SPAG16: variants seen among roughly 807,000 people sequenced by gnomAD.
The protein encoded by SPAG16 is sperm associated antigen 16, also known as sperm-associated antigen 16 protein.
Under a neutral mutation model 80.4 loss-of-function variants are expected in SPAG16, and 86 were observed. The ratio of observed to expected loss-of-function variants is 1.07; its 90% CI spans 0.90 to 1.28. SPAG16 has a LOEUF of 1.28. Ranked by LOEUF, SPAG16 falls within the 50% of genes most tolerant of loss-of-function variation. The pLI, the probability that SPAG16 is intolerant of heterozygous loss-of-function variation, is 0.00. For synonymous variants in SPAG16, 294 were observed against 265.9 expected, an observed-to-expected ratio of 1.11 and a Z score of -1.03; for missense variants, 870 against 765.3, an observed-to-expected ratio of 1.14 and a Z score of -1.61.
intron 15 of SPAG16, among the ~76,000 whole-genome samples, chr2:214,193,996 T>C (rs2057754305): frequency 6.6e-6 from 1 of 152,088 alleles, no homozygotes; most frequent in Non-Finnish European, 1.5e-5. Flanking sequence ...TGGTTGGCAT[T>C]CTTTAGAGAT....
chr2:214,010,751 A>G lies in SPAG16; in HGVS notation c.1401-3200A>G, dbSNP rs570403427. ...GAGGATTAATTTAAACATATATTAA[A>G]CACTAGGAAGATGGGGAAGGAGGGA... On this transcript the variant is annotated intron_variant, in intron 12 of 15. Transcript: ENST00000331683. 3.5e-4 allele frequency among the ~76,000 whole-genome samples: 51 copies of G among 146,600 alleles called. 4 individuals carry two copies. The highest frequency in any genetic ancestry group is 5.9e-4 in the Non-Finnish European group (40 of 67,340).
intron 10 of SPAG16, among the ~76,000 whole-genome samples, chr2:213,533,495 G>T (rs549649981): frequency 2.0e-5 from 3 of 152,226 alleles, no homozygotes; most frequent in East Asian, 3.9e-4. Context: ...TTTTATTATG[G>T]AGTCCCTGCA....
intron 15 of SPAG16, among the ~76,000 whole-genome samples, chr2:214,360,074 CT>C (rs1431859155): frequency 1.3e-5 from 2 of 151,830 alleles, no homozygotes; most frequent in Non-Finnish European, 2.9e-5. Flanking sequence ...TCCCTACCAC[CT>C]TCAGTCAGCT....
intron 15 of SPAG16, among the ~76,000 whole-genome samples, chr2:214,196,646 G>A (rs143119035): frequency 6.6e-6 from 1 of 152,176 alleles, no homozygotes; most frequent in East Asian, 1.9e-4. Flanking sequence ...AACACAAAGA[G>A]TGAAACCAGT....
rs1271904760 is a variant in SPAG16 at position 213,869,262 on chromosome 2, A to AT, written c.1214+6634_1214+6635insT. Among the ~76,000 whole-genome samples the AT allele has an allele frequency of 1.9e-3, 24 of 12,350 alleles. No individual in the cohort carries two copies. The East Asian group carries it at 0.06, about 31-fold the overall frequency. The allele number at this position is 12,350 out of a possible 152,430, so 8.1% of individuals were successfully genotyped here. The stretch of plus-strand genomic sequence containing the variant: ...GAGCTAAAGTCCATGTCAAAAAAAA[A>AT]AAATATATATATATATATGTATATA... On this transcript the variant is annotated intron_variant, in intron 11 of 15. Transcript: ENST00000331683.
At chr2:213,408,238 G>GT (rs1559102364) in intron 9 of SPAG16, among the ~76,000 whole-genome samples, 1 of 152,196 alleles carries the variant, frequency 6.6e-6, no homozygotes, top group East Asian at 1.9e-4. Context: ...CCACCTTGTT[G>GT]TAAGTGTAAA....
chr2:213,369,347 G>T (rs888391061), intron 8 of SPAG16, among the ~76,000 whole-genome samples: 1 of 152,148 alleles, frequency 6.6e-6, no homozygotes, highest in Non-Finnish European at 1.5e-5. Flanking sequence ...AATTTCCTCA[G>T]AAGAAAAGTG....
At chr2:213,854,060 T>C (rs2075038336) in intron 10 of SPAG16, among the ~76,000 whole-genome samples, 1 of 152,204 alleles carries the variant, frequency 6.6e-6, no homozygotes, top group Admixed American at 6.5e-5. Context: ...ATCCCTATCA[T>C]GAAAGAAACA....
intron 10 of SPAG16, among the ~76,000 whole-genome samples, chr2:213,744,338 A>G (rs1186944419): frequency 6.6e-6 from 1 of 151,902 alleles, no homozygotes; most frequent in Non-Finnish European, 1.5e-5. Flanking sequence ...TGGAAACTGG[A>G]TTTTACTTTA....
In SPAG16 at chr2:213,540,664, C is replaced by A. The variant is rs150439356; in HGVS notation, c.1070+50574C>A. 9.9e-4 allele frequency among the ~76,000 whole-genome samples: 150 copies of A among 152,212 alleles called. 2 individuals carry two copies. In the East Asian group the frequency reaches 0.025, roughly 25 times the overall value. On this transcript the variant is annotated intron_variant, in intron 10 of 15. Transcript: ENST00000331683. ...TATTTCCATATTATGAAAAATAATA[C>A]TTTAAAGAATGTTTCATTTGTAGTT... is the stretch of plus-strand genomic sequence containing the variant.
intron 10 of SPAG16, among the ~76,000 whole-genome samples, chr2:213,804,932 C>T (rs928775302): frequency 6.6e-6 from 1 of 152,066 alleles, no homozygotes; most frequent in African/African-American, 2.4e-5. Context: ...CTCAGAGCAA[C>T]GGAAGCCATT....
At chr2:214,157,470 T>C (rs1399428628) in intron 15 of SPAG16, among the ~76,000 whole-genome samples, 1 of 152,136 alleles carries the variant, frequency 6.6e-6, no homozygotes, top group Non-Finnish European at 1.5e-5. Flanking sequence ...GCAATTTTAT[T>C]TATCTGCCAG....
At chr2:214,017,352 T>TA (rs2047642791) in intron 13 of SPAG16, among the ~76,000 whole-genome samples, 1 of 152,152 alleles carries the variant, frequency 6.6e-6, no homozygotes, top group Non-Finnish European at 1.5e-5. Flanking sequence ...AACTTAGATG[T>TA]GAAGTTTGTA....
chr2:213,410,645 C>T (rs927057468), intron 9 of SPAG16, among the ~76,000 whole-genome samples: 1 of 152,144 alleles, frequency 6.6e-6, no homozygotes, highest in Non-Finnish European at 1.5e-5. Context: ...TAAACTTTGG[C>T]AATTAAGACA....
intron 10 of SPAG16, among the ~76,000 whole-genome samples, chr2:213,621,467 G>A (rs1258085284): frequency 6.6e-6 from 1 of 152,142 alleles, no homozygotes; most frequent in Non-Finnish European, 1.5e-5. Flanking sequence ...ACTTCATGAT[G>A]GAGTGGGAAT....
intron 4 of SPAG16, among the ~76,000 whole-genome samples, chr2:213,312,796 G>A (rs2063248911): frequency 6.6e-6 from 1 of 151,622 alleles, no homozygotes; most frequent in Admixed American, 6.6e-5. Context: ...AAGAAATATT[G>A]CAGCTTTTAG....
At chr2:214,054,387 G>A (rs10490486) in intron 13 of SPAG16, among the ~76,000 whole-genome samples, 12,939 of 152,152 alleles carry the variant, frequency 0.085, 683 homozygotes, top group East Asian at 0.23. Flanking sequence ...AAATCTCAGA[G>A]AGCGTTCATA....
At chr2:213,712,305 G>A (rs1371136480) in intron 10 of SPAG16, among the ~76,000 whole-genome samples, 1 of 152,058 alleles carries the variant, frequency 6.6e-6, no homozygotes, top group Non-Finnish European at 1.5e-5. Context: ...ACTGAGCTGA[G>A]GGCTAGGGAA....
intron 15 of SPAG16, among the ~76,000 whole-genome samples, chr2:214,286,204 G>A (rs908932169): frequency 8.5e-5 from 13 of 152,218 alleles, no homozygotes; most frequent in Middle Eastern, 3.4e-3. Flanking sequence ...TTGGTCTGGG[G>A]ATACAAAGTT....
Sources: allele counts gnomAD v4.1 joint callset (sites outside exome capture counted in the v4.1 genomes callset), GRCh38; gene constraint gnomAD v4.1.1; transcripts MANE v1.5; gene names NCBI Gene and HGNC (gene_info 2026-07-23, HGNC 2026-07-21).